Variants in ZNF385B observed in about 807,000 individuals in gnomAD.
ZNF385B encodes the protein zinc finger protein 385B.
A neutral mutation model predicts 39.2 loss-of-function variants in ZNF385B; 23 were observed. The observed-to-expected ratio is 0.59, with a 90% CI of 0.42 to 0.83. The LOEUF is 0.83. Ranked by LOEUF, ZNF385B falls within the 40% of genes least tolerant of loss-of-function variation. ZNF385B has a pLI of 0.00. For missense variants in ZNF385B, 552 were observed against 598.9 expected, an observed-to-expected ratio of 0.92 and a Z score of 0.82; for synonymous variants, 205 against 222.6, an observed-to-expected ratio of 0.92 and a Z score of 0.70.
chr2:179,634,536 T>C (rs1004338207), intron 3 of ZNF385B, among the ~76,000 whole-genome samples: 2 of 152,116 alleles, frequency 1.3e-5, no homozygotes, highest in Non-Finnish European at 2.9e-5. Flanking sequence ...TAGTAATCAT[T>C]AAAAAGTCAG....
At chr2:179,655,249 A>G (rs1351238621) in intron 3 of ZNF385B, among the ~76,000 whole-genome samples, 1 of 152,174 alleles carries the variant, frequency 6.6e-6, no homozygotes, top group Non-Finnish European at 1.5e-5. Context: ...GGCATGGAGA[A>G]TACTACTCTA....
At chr2:179,661,494 A>G (rs1182690975) in intron 3 of ZNF385B, among the ~76,000 whole-genome samples, 3 of 152,154 alleles carry the variant, frequency 2.0e-5, no homozygotes, top group African/African-American at 7.2e-5. Flanking sequence ...ATATATCTAT[A>G]TCTGATATCT....
chr2:179,609,663 A>T (rs899217775), intron 3 of ZNF385B, among the ~76,000 whole-genome samples: 1 of 152,188 alleles, frequency 6.6e-6, no homozygotes, highest in Non-Finnish European at 1.5e-5. Flanking sequence ...ACTATCCTCC[A>T]TAGTAGCTGT....
At chr2:179,591,716 CT>C (rs1553475750) in intron 3 of ZNF385B, among the ~76,000 whole-genome samples, 14 of 152,100 alleles carry the variant, frequency 9.2e-5, no homozygotes, top group African/African-American at 2.4e-4. Flanking sequence ...TAGATTCTCT[CT>C]TTTTTCCCCC....
intron 5 of ZNF385B, among the ~76,000 whole-genome samples, chr2:179,493,626 TACGC>T (rs375609749): frequency 4.3e-5 from 5 of 117,278 alleles, no homozygotes; most frequent in African/African-American, 1.3e-4. Flanking sequence ...CATATATGTA[TACGC>T]ATATGTATAC....
intron 3 of ZNF385B, among the ~76,000 whole-genome samples, chr2:179,646,890 C>T (rs1316920064): frequency 6.6e-6 from 1 of 152,154 alleles, no homozygotes; most frequent in Admixed American, 6.5e-5. Context: ...ATTTAATATG[C>T]AATCAGAGAC....
chr2:179,609,775 T>C (rs1689136429), intron 3 of ZNF385B, among the ~76,000 whole-genome samples: 1 of 152,168 alleles, frequency 6.6e-6, no homozygotes, highest in African/African-American at 2.4e-5. Flanking sequence ...CCATTTTTAC[T>C]GGAGATATTT....
chr2:179,723,078 A>G (rs1235918505), intron 3 of ZNF385B, among the ~76,000 whole-genome samples: 2 of 152,212 alleles, frequency 1.3e-5, no homozygotes, highest in Non-Finnish European at 1.5e-5. Flanking sequence ...AGAGGATGTG[A>G]CACAATAGAC....
At chr2:179,509,612 A>G (rs1574517021) in intron 5 of ZNF385B, among the ~76,000 whole-genome samples, 2 of 152,118 alleles carry the variant, frequency 1.3e-5, no homozygotes, top group Non-Finnish European at 2.9e-5. Flanking sequence ...CTACTCTTTA[A>G]ACCTAAGAAT....
intron 3 of ZNF385B, among the ~76,000 whole-genome samples, chr2:179,658,937 C>G (rs1694129513): frequency 6.6e-6 from 1 of 152,152 alleles, no homozygotes; most frequent in South Asian, 2.1e-4. Context: ...ACCACCACAG[C>G]CAGCTAATTT....
intron 3 of ZNF385B, among the ~76,000 whole-genome samples, chr2:179,597,264 C>G (rs1194774509): frequency 6.6e-6 from 1 of 152,140 alleles, no homozygotes; most frequent in Non-Finnish European, 1.5e-5. Flanking sequence ...GTTCTACTTC[C>G]CTTGGTGGTT....
intron 3 of ZNF385B, among the ~76,000 whole-genome samples, chr2:179,658,655 G>C (rs1195248919): frequency 2.0e-5 from 3 of 152,162 alleles, no homozygotes; most frequent in Non-Finnish European, 4.4e-5. Context: ...GACTTTCTCT[G>C]TGCAGATTGA....
At chr2:179,457,652 CT>C (rs571282849) in intron 6 of ZNF385B, among the ~76,000 whole-genome samples, 12 of 151,906 alleles carry the variant, frequency 7.9e-5, no homozygotes, top group Non-Finnish European at 1.5e-4. Context: ...AGCTCCTTTT[CT>C]TTTTTTTATT....
intron 1 of ZNF385B, among the ~76,000 whole-genome samples, chr2:179,846,218 T>C (rs1386219888): frequency 6.6e-6 from 1 of 152,256 alleles, no homozygotes; most frequent in Non-Finnish European, 1.5e-5. Flanking sequence ...TTTCAGAATT[T>C]GGAACCATGA....
intron 3 of ZNF385B, among the ~76,000 whole-genome samples, chr2:179,623,979 T>G (rs1421128797): frequency 6.6e-6 from 1 of 152,196 alleles, no homozygotes; most frequent in South Asian, 2.1e-4. Flanking sequence ...CCATATTTTT[T>G]AAAAATTGGC....
chr2:179,446,625 A>G lies in ZNF385B; in HGVS notation c.861T>C (p.Thr287=), dbSNP rs751929596. 6.2e-6 allele frequency: 10 copies of G among 1,614,136 alleles called. No homozygotes were observed. The Admixed American group carries it at 1.7e-4, about 27-fold the overall frequency. The stretch of plus-strand genomic sequence containing the variant: ...CTTTTTCTTCTTCTGATTCAACAAC[A>G]GTACCGGGAGCTCCATTTGTGCTCT... ...PSKSTNGAPG[T]VVESEEEKAK... is the part of the protein sequence containing the mutation. The change falls in exon 7 of 10, where the codon ACT becomes ACC. Residue 287 remains threonine (T), a synonymous_variant. Coordinates refer to ENST00000410066, the MANE Select transcript of ZNF385B (RefSeq NM_152520.6).
intron 3 of ZNF385B, among the ~76,000 whole-genome samples, chr2:179,692,638 T>G (rs149717264): frequency 7.7e-4 from 118 of 152,336 alleles, no homozygotes; most frequent in African/African-American, 2.6e-3. Context: ...TGTATTTCAC[T>G]CAGAAGCTGG....
chr2:179,716,378 C>T, intron 3 of ZNF385B, among the ~76,000 whole-genome samples: 1 of 152,056 alleles, frequency 6.6e-6, no homozygotes, highest in Middle Eastern at 3.2e-3. Flanking sequence ...TATGTGTAAT[C>T]CCTGACCTAT....
chr2:179,736,333 G>A (rs1701753772), intron 3 of ZNF385B, among the ~76,000 whole-genome samples: 1 of 151,846 alleles, frequency 6.6e-6, no homozygotes, highest in African/African-American at 2.4e-5. Flanking sequence ...TATCAATTTT[G>A]CAGATTTTTT....
Sources: gnomAD v4.1 joint callset for allele counts (sites outside exome capture counted in the v4.1 genomes callset) on GRCh38, gnomAD v4.1.1 for gene constraint, MANE v1.5 for transcripts, NCBI Gene and HGNC (gene_info 2026-07-23, HGNC 2026-07-21) for gene names.